The following SPAG16 variants were observed in gnomAD, a reference collection of about 807,000 sequenced individuals.
The protein encoded by SPAG16 is sperm-associated antigen 16 protein.
A neutral mutation model predicts 80.4 loss-of-function variants in SPAG16; 86 were observed. That is an observed-to-expected ratio of 1.07 (90% confidence interval 0.90 to 1.28). The LOEUF is 1.28. SPAG16 is among the 50% of genes most tolerant of loss of function. SPAG16 has a pLI of 0.00. For missense variants in SPAG16, 870 were observed against 765.3 expected, an observed-to-expected ratio of 1.14 and a Z score of -1.61; for synonymous variants, 294 against 265.9, an observed-to-expected ratio of 1.11 and a Z score of -1.03.
At chr2:213,554,813 GA>G (rs1283921163) in intron 10 of SPAG16, among the ~76,000 whole-genome samples, 1 of 151,552 alleles carries the variant, frequency 6.6e-6, no homozygotes, top group Non-Finnish European at 1.5e-5. Context: ...AAGAAAAAAA[GA>G]AAAAAAATTA....
intron 4 of SPAG16, among the ~76,000 whole-genome samples, chr2:213,314,383 G>T (rs974031040): frequency 1.4e-5 from 2 of 147,394 alleles, no homozygotes; most frequent in African/African-American, 2.4e-5. Flanking sequence ...TAAAAAGTCA[G>T]GATATTTGTT....
At chr2:213,841,309 CATGACATAAGGGT>C (rs1035394887) in intron 10 of SPAG16, among the ~76,000 whole-genome samples, 6 of 152,200 alleles carry the variant, frequency 3.9e-5, no homozygotes, top group African/African-American at 1.4e-4. Flanking sequence ...ACCAGTGGGG[CATGACATAAGGGT>C]AGTTTGTACA....
chr2:214,247,909 T>C (rs770029859), intron 15 of SPAG16, among the ~76,000 whole-genome samples: 7 of 151,804 alleles, frequency 4.6e-5, no homozygotes, highest in East Asian at 1.9e-4. Flanking sequence ...GCACCTATAA[T>C]CCAAGCTACT....
At chr2:213,915,477 C>A (rs1291089184) in intron 11 of SPAG16, among the ~76,000 whole-genome samples, 3 of 152,240 alleles carry the variant, frequency 2.0e-5, no homozygotes, top group African/African-American at 7.2e-5. Flanking sequence ...TTTATGGCTG[C>A]ATAGTATTCC....
At chr2:214,152,818 C>T (rs1201300932) in intron 15 of SPAG16, among the ~76,000 whole-genome samples, 1 of 152,108 alleles carries the variant, frequency 6.6e-6, no homozygotes, top group Admixed American at 6.5e-5. Flanking sequence ...TGCCTGGCAG[C>T]CAAGGCAGAG....
intron 12 of SPAG16, 21 bp from the exon 13 acceptor site, chr2:214,013,930 T>A: frequency 6.2e-7 from 1 of 1,610,124 alleles, no homozygotes; most frequent in Non-Finnish European, 8.5e-7. Flanking sequence ...CTCCTAAAAT[T>A]CTTAATTTCT....
chr2:213,329,011 C>T (rs558124633), intron 5 of SPAG16, among the ~76,000 whole-genome samples: 1 of 152,010 alleles, frequency 6.6e-6, no homozygotes, highest in Non-Finnish European at 1.5e-5. Context: ...TTTTTGCCTG[C>T]CACCATCCAT....
chr2:214,177,951 T>A (rs2057164160), intron 15 of SPAG16, among the ~76,000 whole-genome samples: 1 of 115,442 alleles, frequency 8.7e-6, no homozygotes, highest in Admixed American at 9.4e-5. Flanking sequence ...AATTGTTATA[T>A]CTAACTTCAC....
chr2:213,513,346 T>G (rs542934544), intron 10 of SPAG16, among the ~76,000 whole-genome samples: 1 of 152,318 alleles, frequency 6.6e-6, no homozygotes, highest in Non-Finnish European at 1.5e-5. Context: ...ATTTTTGAAG[T>G]CTCTTCTGTA....
chr2:214,037,844 G>A (rs2048782498), intron 13 of SPAG16, among the ~76,000 whole-genome samples: 1 of 145,300 alleles, frequency 6.9e-6, no homozygotes, highest in African/African-American at 2.6e-5. Flanking sequence ...CCTTTGCTCT[G>A]TTATTATTCC....
intron 10 of SPAG16, among the ~76,000 whole-genome samples, chr2:213,844,257 CA>C (rs2074502943): frequency 6.6e-6 from 1 of 152,070 alleles, no homozygotes. Flanking sequence ...ATATCCAACA[CA>C]AAAGTTTTAT....
chr2:214,300,957 C>A (rs1351717111), intron 15 of SPAG16, among the ~76,000 whole-genome samples: 2 of 150,714 alleles, frequency 1.3e-5, no homozygotes, highest in Non-Finnish European at 3.0e-5. Flanking sequence ...ACAACAACAA[C>A]AAAAGCTACA....
chr2:213,857,372 G>A (rs1430322145), intron 10 of SPAG16, among the ~76,000 whole-genome samples: 1 of 152,164 alleles, frequency 6.6e-6, no homozygotes, highest in Non-Finnish European at 1.5e-5. Flanking sequence ...TAATGCAGCT[G>A]GTAACTTTAA....
At chr2:213,648,844 T>C (rs999182055) in intron 10 of SPAG16, among the ~76,000 whole-genome samples, 12 of 152,160 alleles carry the variant, frequency 7.9e-5, no homozygotes, top group Non-Finnish European at 1.6e-4. Context: ...CTGAATAGGA[T>C]TGGGCATTCT....
At chr2:213,547,327 T>C (rs2076645062) in intron 10 of SPAG16, among the ~76,000 whole-genome samples, 1 of 152,096 alleles carries the variant, frequency 6.6e-6, no homozygotes, top group Admixed American at 6.5e-5. Context: ...AGAGAAATAA[T>C]ATTAAATCCT....
chr2:213,617,340 A>C (rs980850681), intron 10 of SPAG16, among the ~76,000 whole-genome samples: 14 of 151,994 alleles, frequency 9.2e-5, no homozygotes, highest in African/African-American at 3.1e-4. Flanking sequence ...CGAAGTGGAG[A>C]AGTGGAAGGA....
chr2:214,373,850 G>C (rs1363203823), intron 15 of SPAG16, among the ~76,000 whole-genome samples: 1 of 152,120 alleles, frequency 6.6e-6, no homozygotes, highest in Non-Finnish European at 1.5e-5. Context: ...GGTTATATTT[G>C]AAAGAATGTG....
chr2:214,238,112 T>A, intron 15 of SPAG16: 1 of 403,788 alleles, frequency 2.5e-6, no homozygotes, highest in Non-Finnish European at 4.8e-6. Flanking sequence ...TTTTAATTAA[T>A]CATACAATTT....
At chr2:213,550,092 T>A (rs531790487) in intron 10 of SPAG16, among the ~76,000 whole-genome samples, 2 of 152,246 alleles carry the variant, frequency 1.3e-5, no homozygotes, top group African/African-American at 4.8e-5. Context: ...TGGGTGTGTA[T>A]GTGGGTGTGT....
Sources: gnomAD v4.1 joint callset for allele counts (sites outside exome capture counted in the v4.1 genomes callset) on GRCh38, gnomAD v4.1.1 for gene constraint, MANE v1.5 for transcripts, NCBI Gene and HGNC (gene_info 2026-07-23, HGNC 2026-07-21) for gene names.